The following NFIB variants were observed in gnomAD, a reference collection of about 807,000 sequenced individuals.
NFIB encodes nuclear factor 1 B-type.
Under a neutral mutation model 61.5 loss-of-function variants are expected in NFIB, and 11 were observed. That is an observed-to-expected ratio of 0.18 (90% confidence interval 0.11 to 0.30). The LOEUF is 0.30. Ranked by LOEUF, NFIB falls within the 10% of genes least tolerant of loss-of-function variation. The pLI is 1.00. For missense variants in NFIB, 471 were observed against 608.9 expected (o/e 0.77, Z 2.38); for synonymous variants, 260 against 216.5 (o/e 1.20, Z -1.76).
At chr9:14,462,277 T>TTTTTTCC in the NFIB span, among the ~76,000 whole-genome samples, 1 of 151,974 alleles carries the variant, frequency 6.6e-6, no homozygotes, top group African/African-American at 2.4e-5. Context: ...CTTTTTTTTC[T>TTTTTTCC]TTTTTTCTTT....
intron 6 of NFIB, among the ~76,000 whole-genome samples, chr9:14,139,702 C>T (rs188230761): frequency 1.1e-4 from 17 of 152,274 alleles, no homozygotes; most frequent in East Asian, 1.9e-4. Context: ...ATCCAAAATG[C>T]TATTCTTGAT....
chr9:14,163,384 C>T (rs12156582), intron 3 of NFIB, among the ~76,000 whole-genome samples: 2,331 of 151,982 alleles, frequency 0.015, 24 homozygotes, highest in Non-Finnish European at 0.023. Context: ...CAAAATCCAA[C>T]TGTTTTCAAG....
intron 1 of NFIB, among the ~76,000 whole-genome samples, chr9:14,367,308 A>C (rs1488864410): frequency 6.6e-6 from 1 of 152,206 alleles, no homozygotes; most frequent in East Asian, 1.9e-4. Flanking sequence ...CAAAGACTAA[A>C]TATGGAAAGG....
At chr9:14,357,805 G>T (rs750991355) in intron 1 of NFIB, 1 of 152,192 alleles carries the variant, frequency 6.6e-6, no homozygotes, top group Non-Finnish European at 1.5e-5. Context: ...ATGCTATTTG[G>T]TGAAGAAAGA....
chr9:14,432,955 T>C, the NFIB span, among the ~76,000 whole-genome samples: 10,648 of 152,280 alleles, frequency 0.07, 484 homozygotes, highest in South Asian at 0.23. Flanking sequence ...CTGTTTCTAG[T>C]TTGTGCACAT....
chr9:14,313,518 G>A lies in NFIB; in HGVS notation c.-7C>T. ...AGATGGGAGAATACATCATGACTTC[G>A]CCTTAAAACGCACTTTCCGGGAGAT... On this transcript the variant is annotated 5_prime_UTR_variant, in exon 1 of 11. Transcript: ENST00000380953. This position sits in a 1 kb window ranked among gnomAD's most constrained non-coding sequence, Gnocchi z 4.5. The A allele has an allele frequency of 6.2e-7, 1 of 1,613,798 alleles. No individual in the cohort carries two copies. Among genetic ancestry groups the A allele is most frequent in the Non-Finnish European group, 8.5e-7 (1 of 1,179,890 alleles).
At chr9:14,502,608 A>G in the NFIB span, among the ~76,000 whole-genome samples, 2 of 152,196 alleles carry the variant, frequency 1.3e-5, no homozygotes, top group African/African-American at 4.8e-5. Context: ...ACAAATGTTA[A>G]CTTCTCTTTC....
chr9:14,315,517 GGGGCCGCGGCGCGCCCGGGGCTGCGGGGC>G (rs1291060616), upstream of NFIB, among the ~76,000 whole-genome samples: 27 of 143,288 alleles, frequency 1.9e-4, no homozygotes, highest in Non-Finnish European at 3.9e-4. Flanking sequence ...CAGGCGGGGC[GGGGCCGCGGCGCGCCCGGGGCTGCGGGGC>G]GGGCCGGCGG....
the NFIB span, among the ~76,000 whole-genome samples, chr9:14,492,500 G>T: frequency 2.0e-5 from 3 of 152,112 alleles, no homozygotes; most frequent in African/African-American, 4.8e-5. Context: ...TTCTGGGGAG[G>T]CCTCAGGAAA....
chr9:14,433,589 GGTT>G, the NFIB span, among the ~76,000 whole-genome samples: 3 of 152,084 alleles, frequency 2.0e-5, no homozygotes, highest in African/African-American at 7.2e-5. Context: ...AATAATTCAG[GGTT>G]GTTATTACTG....
intron 1 of NFIB, among the ~76,000 whole-genome samples, chr9:14,385,344 C>T (rs1457608267): frequency 6.6e-6 from 1 of 152,128 alleles, no homozygotes; most frequent in Non-Finnish European, 1.5e-5. Flanking sequence ...TTTCAAACTG[C>T]CTTCTTCTAA....
the NFIB span, among the ~76,000 whole-genome samples, chr9:14,429,873 G>A: frequency 3.9e-5 from 6 of 152,034 alleles, no homozygotes; most frequent in Non-Finnish European, 8.8e-5. Flanking sequence ...TATTTTTATT[G>A]GAAAAAAACC....
chr9:14,139,213 C>T (rs962931144), intron 6 of NFIB, among the ~76,000 whole-genome samples: 1 of 152,168 alleles, frequency 6.6e-6, no homozygotes, highest in African/African-American at 2.4e-5. Context: ...ACAGGACAGC[C>T]TCTCTGATCC....
In NFIB at chr9:14,120,223, C is replaced by A. The variant is rs192919839; in HGVS notation, c.1245+217G>T. Reference sequence around the variant, plus strand: ...TCAGTGAAAATCCAAAAACATTAAACCATCTTCACAAATGTACCCTTTGGG... The same window carrying A: ...TCAGTGAAAATCCAAAAACATTAAAACATCTTCACAAATGTACCCTTTGGG... On this transcript the variant is annotated intron_variant, in intron 8 of 10. Coordinates refer to ENST00000380953, the MANE Select transcript of NFIB (RefSeq NM_001190737.2). The surrounding 1 kb of genome is among the most constrained non-coding windows in gnomAD (Gnocchi z 4.4). 2.0e-5 allele frequency among the ~76,000 whole-genome samples: 3 copies of A among 152,316 alleles called. No individual in the cohort carries two copies. The highest frequency in any genetic ancestry group is 1.9e-4 in the East Asian group (1 of 5,174).
At chr9:14,455,287 G>A in the NFIB span, among the ~76,000 whole-genome samples, 1 of 152,190 alleles carries the variant, frequency 6.6e-6, no homozygotes, top group Admixed American at 6.5e-5. Flanking sequence ...GTAATTATCT[G>A]CTTTTGAAAC....
chr9:14,164,789 C>G (rs916655302), intron 3 of NFIB, among the ~76,000 whole-genome samples: 2 of 152,138 alleles, frequency 1.3e-5, no homozygotes, highest in African/African-American at 2.4e-5. Flanking sequence ...CTGGAACCAT[C>G]TGGGATTCTT....
chr9:14,141,902 C>CAAAAAAAAAAAAAAAAAAAA (rs1207435536), intron 6 of NFIB, among the ~76,000 whole-genome samples: 1 of 53,586 alleles, frequency 1.9e-5, no homozygotes, highest in African/African-American at 7.2e-5. Context: ...CTGCTGCTCA[C>CAAAAAAAAAAAAAAAAAAAA]AAAAAAAAAA....
chr9:14,503,041 G>C, the NFIB span, among the ~76,000 whole-genome samples: 1 of 151,390 alleles, frequency 6.6e-6, no homozygotes, highest in Non-Finnish European at 1.5e-5. Context: ...CCAGGTTTCT[G>C]CAAATGCCAT....
At chr9:14,148,320 T>A (rs1587033462) in intron 5 of NFIB, among the ~76,000 whole-genome samples, 1 of 151,934 alleles carries the variant, frequency 6.6e-6, no homozygotes, top group Non-Finnish European at 1.5e-5. Flanking sequence ...GAGGGAGTTG[T>A]CCAGGCTGGT....
Sources: allele counts gnomAD v4.1 joint callset (sites outside exome capture counted in the v4.1 genomes callset), GRCh38; gene constraint gnomAD v4.1.1; non-coding constraint Gnocchi (gnomAD v3.1); transcripts MANE v1.5; gene names NCBI Gene and HGNC (gene_info 2026-07-23, HGNC 2026-07-21).